Variants in FUT8 observed in about 807,000 individuals in gnomAD.
FUT8 encodes the protein fucosyltransferase 8.
In FUT8, 29 loss-of-function variants were observed where a neutral mutation model predicts 71.3. The observed-to-expected ratio is 0.41, with a 90% CI of 0.30 to 0.55. The LOEUF (loss-of-function observed/expected upper bound fraction) is 0.55. FUT8 is among the 20% of genes least tolerant of loss of function. The pLI, the probability that FUT8 is intolerant of heterozygous loss-of-function variation, is 0.34. For synonymous variants in FUT8, 254 were observed against 239.3 expected, an observed-to-expected ratio of 1.06 and a Z score of -0.57; for missense variants, 544 against 702.1, an observed-to-expected ratio of 0.77 and a Z score of 2.55.
In FUT8 at chr14:65,733,396, G is replaced by A. The variant is rs763582881; in HGVS notation, c.1410+15G>A. ...TTTCATCCCAGGTAAGTGTCAGTAGGGCATTTTAAAATAACCAATACTTTT... is the reference window on the plus strand; with the variant it reads ...TTTCATCCCAGGTAAGTGTCAGTAGAGCATTTTAAAATAACCAATACTTTT... On this transcript the variant is annotated intron_variant, in intron 10 of 10. Transcript: ENST00000673929. 9 of 1,549,564 alleles carry A rather than the reference G, an allele frequency of 5.8e-6. No homozygotes were observed. The highest frequency in any genetic ancestry group is 7.8e-6 in the Non-Finnish European group (9 of 1,147,716).
the FUT8 span, among the ~76,000 whole-genome samples, chr14:65,384,622 T>C: frequency 6.6e-6 from 1 of 152,310 alleles, no homozygotes; most frequent in Admixed American, 6.5e-5. The surrounding 1 kb of genome is among the most constrained non-coding windows in gnomAD (Gnocchi z 4.2). Flanking sequence ...ATCCATCTCT[T>C]GTATAATATT....
intron 7 of FUT8, among the ~76,000 whole-genome samples, chr14:65,700,086 T>C (rs561897946): frequency 1.3e-5 from 2 of 152,322 alleles, no homozygotes; most frequent in Admixed American, 6.5e-5. Flanking sequence ...AAATGTAACA[T>C]AATCTGATTA....
chr14:65,384,306 T>C, the FUT8 span, among the ~76,000 whole-genome samples: 2 of 152,168 alleles, frequency 1.3e-5, no homozygotes, highest in African/African-American at 4.8e-5. The surrounding 1 kb of genome is among the most constrained non-coding windows in gnomAD (Gnocchi z 4.2). Flanking sequence ...TGGAGTGCAG[T>C]GGTGTGATCA....
chr14:65,422,674 A>AT (rs1200805017), intron 1 of FUT8, among the ~76,000 whole-genome samples: 3 of 150,802 alleles, frequency 2.0e-5, no homozygotes, highest in African/African-American at 7.3e-5. Context: ...ATTTTTAAAT[A>AT]TTTTTTATTT....
chr14:65,659,888 A>G (rs374077028), intron 6 of FUT8, among the ~76,000 whole-genome samples: 14 of 152,256 alleles, frequency 9.2e-5, no homozygotes, highest in East Asian at 3.9e-4. Context: ...CTAAAATTCA[A>G]TCTTAATTTT....
intron 2 of FUT8, among the ~76,000 whole-genome samples, chr14:65,541,442 T>C (rs2898816): frequency 0.83 from 126,692 of 152,130 alleles, 52,997 homozygotes; most frequent in East Asian, 1. Flanking sequence ...CAGTTCAAGG[T>C]GGAAGGCCTT....
chr14:65,736,365 T>C (rs760086199), intron 10 of FUT8, among the ~76,000 whole-genome samples: 1 of 151,420 alleles, frequency 6.6e-6, no homozygotes, highest in Non-Finnish European at 1.5e-5. Flanking sequence ...CATTTCAGAC[T>C]GTATGCGCTC....
intron 7 of FUT8, among the ~76,000 whole-genome samples, chr14:65,671,075 A>T (rs1160023539): frequency 6.6e-6 from 1 of 152,144 alleles, no homozygotes; most frequent in Non-Finnish European, 1.5e-5. Context: ...AAGAAACTCT[A>T]CCAGCCCCAC....
intron 6 of FUT8, among the ~76,000 whole-genome samples, chr14:65,634,254 A>G (rs373132047): frequency 6.6e-6 from 1 of 151,580 alleles, no homozygotes; most frequent in Admixed American, 6.6e-5. Flanking sequence ...CTGTTGATCT[A>G]TGACCTTACC....
In FUT8 at chr14:65,576,280, G is replaced by C. The variant is rs77289105; in HGVS notation, c.203+14514G>C. Among the ~76,000 whole-genome samples the C allele has an allele frequency of 5.0e-3, 763 of 152,230 alleles. 12 individuals carry two copies. Among genetic ancestry groups the C allele is most frequent in the African/African-American group, 0.017 (724 of 41,530 alleles). ...CAAAAACAAATTCAAAGCAGAACAT[G>C]TAAGAGGCCATTTGTAGCCACAAAA... On this transcript the variant is annotated intron_variant, in intron 3 of 10. Transcript: ENST00000673929.
chr14:65,511,594 A>C (rs150283521), intron 2 of FUT8, among the ~76,000 whole-genome samples: 130 of 152,230 alleles, frequency 8.5e-4, no homozygotes, highest in African/African-American at 3.1e-3. Context: ...ATATATATTA[A>C]AGTACTTTTT....
chr14:65,524,197 A>T (rs574440000), intron 2 of FUT8, among the ~76,000 whole-genome samples: 1 of 152,136 alleles, frequency 6.6e-6, no homozygotes, highest in East Asian at 1.9e-4. Context: ...GATTCTTCCT[A>T]TCCGTGAGCA....
intron 2 of FUT8, among the ~76,000 whole-genome samples, chr14:65,513,125 G>A (rs1882473779): frequency 6.6e-6 from 1 of 152,100 alleles, no homozygotes; most frequent in African/African-American, 2.4e-5. Context: ...GCTTAAAGTG[G>A]TGTTTTAATC....
intron 6 of FUT8, among the ~76,000 whole-genome samples, chr14:65,659,840 A>G (rs1891874467): frequency 1.5e-4 from 23 of 152,076 alleles, no homozygotes; most frequent in Admixed American, 1.5e-3. Context: ...AGAGACCGTA[A>G]TGAATTCTGT....
chr14:65,488,731 A>G (rs1406634839), intron 2 of FUT8: 1 of 152,138 alleles, frequency 6.6e-6, no homozygotes, highest in African/African-American at 2.4e-5. Context: ...CTTAGCTTTT[A>G]ATTTAAATAC....
At chr14:65,577,672 T>C (rs1162497534) in intron 3 of FUT8, among the ~76,000 whole-genome samples, 1 of 152,146 alleles carries the variant, frequency 6.6e-6, no homozygotes, top group Non-Finnish European at 1.5e-5. Context: ...TTGGAAAACT[T>C]GCACATTCTT....
intron 1 of FUT8, among the ~76,000 whole-genome samples, chr14:65,450,412 T>A (rs1056891087): frequency 1.3e-5 from 2 of 152,240 alleles, no homozygotes; most frequent in African/African-American, 2.4e-5. Context: ...TGAAAACTTA[T>A]ACTTATCGTT....
rs71126744 is a variant in FUT8, at chr14:65,433,786, TTCTCTCTC to T, written c.-326+20597_-326+20604del. Reference sequence around the variant, plus strand: ...TTTATTTCTACCTCTCTTCTGTCTCTTCTCTCTCTCTCTCTCTCTCTCTCTCTCTCTCG... The same window carrying T: ...TTTATTTCTACCTCTCTTCTGTCTCTTCTCTCTCTCTCTCTCTCTCTCTCG... On this transcript the variant is annotated intron_variant, in intron 1 of 10. Coordinates refer to ENST00000673929, the MANE Select transcript of FUT8 (RefSeq NM_001371533.1). 1.1e-3 allele frequency among the ~76,000 whole-genome samples: 154 copies of T among 144,634 alleles called. 1 individual carries two copies. The highest frequency in any genetic ancestry group is 3.5e-3 in the Middle Eastern group (1 of 284). 94.9% of individuals were successfully genotyped at this position (144,634 alleles called of 152,430 possible). A position where few individuals can be genotyped will look rare whatever the true frequency, so the allele number is the denominator to read the frequency against.
chr14:65,678,408 T>C (rs1031645537), intron 7 of FUT8, among the ~76,000 whole-genome samples: 5 of 152,206 alleles, frequency 3.3e-5, no homozygotes, highest in Non-Finnish European at 7.3e-5. Context: ...ATCAAAAATA[T>C]GCTCCTAATC....
Sources: gnomAD v4.1 joint callset for allele counts (sites outside exome capture counted in the v4.1 genomes callset) on GRCh38, gnomAD v4.1.1 for gene constraint, Gnocchi (gnomAD v3.1) non-coding constraint, MANE v1.5 for transcripts, NCBI Gene and HGNC (gene_info 2026-07-23, HGNC 2026-07-21) for gene names.